The following LYAR variants were observed in gnomAD, a reference collection of about 807,000 sequenced individuals.
The protein encoded by LYAR is Ly1 antibody reactive.
Under a neutral mutation model 45.2 loss-of-function variants are expected in LYAR, and 37 were observed. The ratio of observed to expected loss-of-function variants is 0.82; its 90% CI spans 0.63 to 1.08. The LOEUF (loss-of-function observed/expected upper bound fraction) is 1.08, where lower values mean the gene tolerates loss of function less well. Among genes scored for constraint, LYAR ranks in the 50% least tolerant of loss-of-function variants. The probability of loss-of-function intolerance (pLI) is 0.00; values close to 1 mark genes in which losing one functional copy is unlikely to be tolerated. For missense variants in LYAR, 493 were observed against 451.0 expected (o/e 1.09, Z -0.84); for synonymous variants, 176 against 155.1 (o/e 1.14, Z -1.00).
intron 1 of LYAR, among the ~76,000 whole-genome samples, chr4:4,286,946 C>A (rs1430755272): frequency 6.6e-6 from 1 of 152,116 alleles, no homozygotes; most frequent in Non-Finnish European, 1.5e-5. Context: ...CCACCGCGCC[C>A]GGCCTTAATT....
intron 3 of LYAR, 125 bp downstream of exon 3, chr4:4,283,496 A>G: frequency 1.0e-6 from 1 of 990,782 alleles, no homozygotes; most frequent in Non-Finnish European, 1.5e-6. Flanking sequence ...TCAATGGAAC[A>G]TACCAGTTTT....
chr4:4,274,287 G>T (rs2108840776), intron 7 of LYAR, 80 bp downstream of exon 7: 4 of 1,461,394 alleles, frequency 2.7e-6, no homozygotes, highest in East Asian at 2.3e-5. Context: ...CAAAACGCTA[G>T]GTCTAACAGG....
chr4:4,280,202 C>A (rs956317368), intron 4 of LYAR, among the ~76,000 whole-genome samples: 1 of 152,174 alleles, frequency 6.6e-6, no homozygotes, highest in Non-Finnish European at 1.5e-5. Flanking sequence ...CAGGAATAAA[C>A]TTAACTGAAG....
chr4:4,279,394 T>G, intron 6 of LYAR, 53 bp downstream of exon 6: 1 of 1,146,416 alleles, frequency 8.7e-7, no homozygotes, highest in Non-Finnish European at 1.3e-6. Context: ...TCCCATTTCA[T>G]TATTACTAAT....
chr4:4,287,902 C>A (rs564442842), intron 1 of LYAR, among the ~76,000 whole-genome samples: 1 of 152,228 alleles, frequency 6.6e-6, no homozygotes, highest in Non-Finnish European at 1.5e-5. Flanking sequence ...ACAGGAGAGG[C>A]TGTCAGGGTC....
At position 4,283,945 on chromosome 4, in the gene LYAR, A is replaced by G. The variant is rs143142415; in HGVS notation, c.-53-150T>C. ...TACATAAAATTCCACCATTCATATAAGTAAAACTAACATTAACAATGAGAA... is the reference window on the plus strand; with the variant it reads ...TACATAAAATTCCACCATTCATATAGGTAAAACTAACATTAACAATGAGAA... On this transcript the variant is annotated intron_variant, in intron 2 of 9. Coordinates refer to ENST00000343470, the MANE Select transcript of LYAR (RefSeq NM_017816.3). 2.8e-3 allele frequency: 1,486 copies of G among 529,806 alleles called. 16 individuals are homozygous for G. The highest frequency in any genetic ancestry group is 0.019 in the South Asian group (744 of 39,664). 32.8% of individuals were successfully genotyped at this position (529,806 alleles called of 1,614,324 possible).
In LYAR at chr4:4,283,684, T is replaced by C. The variant is rs1236350556; in HGVS notation, c.59A>G (p.Lys20Arg). The change falls in exon 3 of 10, where the codon AAG becomes AGG. Residue 20 changes from lysine to arginine, a missense_variant. By Grantham distance (26) the Lys-to-Arg change is conservative. Coordinates refer to ENST00000343470, the MANE Select transcript of LYAR (RefSeq NM_017816.3). ...GESVKKIQVE[K>R]HVSVCRNCEC... ...ACAGTTTCTGCAAACAGACACATGC[T>C]TTTCCACTTGTATTTTCTTCACTGA... 1 of 1,612,804 alleles carries C rather than the reference T, an allele frequency of 6.2e-7. No homozygotes were observed. Among genetic ancestry groups the C allele is most frequent in the African/African-American group, 1.3e-5 (1 of 75,048 alleles).
At chr4:4,274,958 C>T (rs1312419167) in intron 6 of LYAR, among the ~76,000 whole-genome samples, 189 bp from the exon 7 acceptor site, 2 of 152,214 alleles carry the variant, frequency 1.3e-5, no homozygotes, top group Non-Finnish European at 1.5e-5. Context: ...TGGGAAACCA[C>T]TTCCCCCAGT....
chr4:4,273,529 T>C (rs1719026904), intron 8 of LYAR, 54 bp downstream of exon 8: 2 of 1,323,964 alleles, frequency 1.5e-6, no homozygotes, highest in Admixed American at 1.8e-5. Context: ...GCTGGGACTA[T>C]CAGCGAGAGC....
chr4:4,273,611 T>C lies in LYAR; in HGVS notation c.891A>G (p.Glu297=), dbSNP rs772406899. 2 of 1,613,744 alleles carry C rather than the reference T, an allele frequency of 1.2e-6. No individual in the cohort carries two copies. The highest frequency in any genetic ancestry group is 4.5e-5 in the East Asian group (2 of 44,882). The part of the protein sequence containing the change: ...MKLPEHPEGG[E]PEDDEAPAKG... Reference sequence around the variant, plus strand: ...TTGCAGGAGCCTCATCGTCTTCTGGTTCTCCGCCCTCAGGATGCTCTGGGA... The same window carrying C: ...TTGCAGGAGCCTCATCGTCTTCTGGCTCTCCGCCCTCAGGATGCTCTGGGA... The change falls in exon 8 of 10, where the codon GAA becomes GAG. Residue 297 remains glutamate, a synonymous_variant. Transcript: ENST00000343470.
intron 7 of LYAR, among the ~76,000 whole-genome samples, 166 bp downstream of exon 7, chr4:4,274,201 C>T (rs9991703): frequency 0.16 from 23,587 of 151,726 alleles, 3,695 homozygotes; most frequent in African/African-American, 0.4. Flanking sequence ...CGTGCCACTG[C>T]ACTCCAGCCT....
In LYAR at chr4:4,268,523, G is replaced by A. The variant is rs758167099; in HGVS notation, c.1005+7C>T. ...GTTAGACACGTGGGTTTGTTCATATGCCATACCTTTTTCCTTAGCTTTTTG... is the reference window on the plus strand; with the variant it reads ...GTTAGACACGTGGGTTTGTTCATATACCATACCTTTTTCCTTAGCTTTTTG... On this transcript the variant is annotated splice_region_variant and intron_variant, in intron 9 of 9. Transcript: ENST00000343470. 6.3e-7 allele frequency: 1 copy of A among 1,598,330 alleles called. No individual in the cohort carries two copies. Among genetic ancestry groups the A allele is most frequent in the Admixed American group, 1.7e-5 (1 of 59,494 alleles).
rs1283592238 is a variant in LYAR at position 4,279,444 on chromosome 4, T to C, written c.429+3A>G. 6.3e-7 allele frequency: 1 copy of C among 1,595,996 alleles called. No homozygotes were observed. The highest frequency in any genetic ancestry group is 8.6e-7 in the Non-Finnish European group (1 of 1,165,340). ...TGCAAATCTAAAATCAGATCTGACT[T>C]ACGCTGTTGGAAGCTTCAGAAAAGA... On this transcript the variant is annotated splice_donor_region_variant and intron_variant, in intron 6 of 9. Coordinates refer to ENST00000343470, the MANE Select transcript of LYAR (RefSeq NM_017816.3).
At chr4:4,287,400 C>A (rs992352825) in intron 1 of LYAR, among the ~76,000 whole-genome samples, 1 of 152,190 alleles carries the variant, frequency 6.6e-6, no homozygotes, top group African/African-American at 2.4e-5. Context: ...AGGTCCTCTG[C>A]GTGTGCTCCT....
intron 8 of LYAR, among the ~76,000 whole-genome samples, chr4:4,269,602 TGAGTA>T (rs1276289848): frequency 2.0e-5 from 3 of 151,986 alleles, no homozygotes; most frequent in Non-Finnish European, 2.9e-5. Context: ...GGATGGAGGC[TGAGTA>T]GAGAGCCTGG....
chr4:4,279,195 T>C (rs973085427), intron 6 of LYAR, among the ~76,000 whole-genome samples: 1 of 151,352 alleles, frequency 6.6e-6, no homozygotes, highest in Non-Finnish European at 1.5e-5. Flanking sequence ...TAGCTGGGCA[T>C]GATGGCTCGT....
At chr4:4,281,266 T>C (rs747344166) in intron 4 of LYAR, among the ~76,000 whole-genome samples, 1 of 150,306 alleles carries the variant, frequency 6.7e-6, no homozygotes. Flanking sequence ...ACAAAACACA[T>C]GGATTAAAGG....
chr4:4,274,431 C>T lies in LYAR; in HGVS notation c.768G>A (p.Lys256=). The change falls in exon 7 of 10, where the codon AAG becomes AAA. Residue 256 remains lysine (K), a synonymous_variant. Transcript: ENST00000343470. ...GTGCCTCTTCCTCACTGGCGCTGTC[C>T]TTGCGCTGCTTCTTCTTCTTGCTCC... ...GKRSKKKKQR[K]DSASEEEARV... 2 of 1,614,134 alleles carry T rather than the reference C, an allele frequency of 1.2e-6. No individual in the cohort carries two copies. Among genetic ancestry groups the T allele is most frequent in the Non-Finnish European group, 1.7e-6 (2 of 1,180,032 alleles).
At chr4:4,273,979 G>C (rs930713620) in intron 7 of LYAR, among the ~76,000 whole-genome samples, 4 of 152,326 alleles carry the variant, frequency 2.6e-5, no homozygotes, top group Non-Finnish European at 5.9e-5. Context: ...GCTCATGCCT[G>C]TAACCCCAGC....
Sources: allele counts gnomAD v4.1 joint callset (sites outside exome capture counted in the v4.1 genomes callset), GRCh38; gene constraint gnomAD v4.1.1; transcripts MANE v1.5; gene names NCBI Gene and HGNC (gene_info 2026-07-23, HGNC 2026-07-21).